The following SPIDR variants were observed in gnomAD, a reference collection of about 807,000 sequenced individuals.
SPIDR encodes the protein DNA repair-scaffolding protein.
SPIDR carries 93 observed loss-of-function variants against 104.6 expected under a neutral mutation model. That is an observed-to-expected ratio of 0.89 (90% CI 0.75 to 1.06). SPIDR has a LOEUF of 1.06. Among genes scored for constraint, SPIDR ranks in the 50% least tolerant of loss-of-function variants. The pLI, the probability that SPIDR is intolerant of heterozygous loss-of-function variation, is 0.00. For synonymous variants in SPIDR, 431 were observed against 416.9 expected, an observed-to-expected ratio of 1.03 and a Z score of -0.41; for missense variants, 1,154 against 1,111.2, an observed-to-expected ratio of 1.04 and a Z score of -0.55.
intron 5 of SPIDR, among the ~76,000 whole-genome samples, chr8:47,369,813 C>T (rs1554637383): frequency 1.3e-5 from 2 of 152,116 alleles, no homozygotes; most frequent in Middle Eastern, 3.2e-3. Context: ...ATTTTAACCA[C>T]AGTCTAAAAA....
chr8:47,466,692 C>A (rs375066359), intron 8 of SPIDR, among the ~76,000 whole-genome samples: 4 of 145,238 alleles, frequency 2.8e-5, no homozygotes, highest in East Asian at 3.9e-4. Flanking sequence ...GAAACCCCGT[C>A]TCTACGAAAA....
intron 5 of SPIDR, among the ~76,000 whole-genome samples, chr8:47,297,627 G>C (rs997407435): frequency 1.3e-5 from 2 of 151,948 alleles, no homozygotes; most frequent in Non-Finnish European, 2.9e-5. Context: ...CCCACGACAG[G>C]CGCCGGTGTG....
intron 8 of SPIDR, among the ~76,000 whole-genome samples, chr8:47,466,086 C>T (rs2074728132): frequency 6.6e-6 from 1 of 152,110 alleles, no homozygotes; most frequent in Admixed American, 6.5e-5. Context: ...GAGATTTCAA[C>T]ACCCCACTGA....
intron 5 of SPIDR, among the ~76,000 whole-genome samples, chr8:47,307,529 T>C (rs34085389): frequency 6.8e-6 from 1 of 147,570 alleles, no homozygotes; most frequent in African/African-American, 2.5e-5. Flanking sequence ...TCTTTTCTCA[T>C]TTCGTTTTTT....
intron 11 of SPIDR, among the ~76,000 whole-genome samples, chr8:47,681,378 T>G (rs968236456): frequency 1.3e-5 from 2 of 152,188 alleles, no homozygotes; most frequent in Non-Finnish European, 2.9e-5. Flanking sequence ...GATTGCGATT[T>G]TTTTTTTAAC....
chr8:47,320,451 A>G (rs2046328688), intron 5 of SPIDR, among the ~76,000 whole-genome samples: 3 of 152,222 alleles, frequency 2.0e-5, no homozygotes, highest in South Asian at 4.1e-4. Flanking sequence ...TTGAGGCGAT[A>G]ATAATAGCTT....
At chr8:47,474,354 A>G (rs1314043366) in intron 8 of SPIDR, among the ~76,000 whole-genome samples, 2 of 152,152 alleles carry the variant, frequency 1.3e-5, no homozygotes, top group African/African-American at 4.8e-5. Context: ...AGGCTTAATA[A>G]TTTTTCTCAA....
chr8:47,589,689 CT>C (rs1230507442), intron 8 of SPIDR, among the ~76,000 whole-genome samples: 1 of 152,116 alleles, frequency 6.6e-6, no homozygotes, highest in Non-Finnish European at 1.5e-5. Flanking sequence ...GTCCATTGTA[CT>C]TTACCTAGCC....
intron 5 of SPIDR, among the ~76,000 whole-genome samples, chr8:47,323,324 A>G (rs2047108036): frequency 6.6e-6 from 1 of 152,208 alleles, no homozygotes; most frequent in Non-Finnish European, 1.5e-5. Flanking sequence ...TAGTTGTCAT[A>G]TAATTCTTTT....
chr8:47,730,393 A>G (rs879046187), intron 19 of SPIDR, among the ~76,000 whole-genome samples: 1 of 152,174 alleles, frequency 6.6e-6, no homozygotes, highest in Admixed American at 6.5e-5. Flanking sequence ...GGGACCAGCC[A>G]CTCAGTGGCC....
intron 5 of SPIDR, among the ~76,000 whole-genome samples, chr8:47,370,818 T>C (rs2057913537): frequency 6.6e-6 from 1 of 152,016 alleles, no homozygotes; most frequent in African/African-American, 2.4e-5. Context: ...CCACTGAATA[T>C]GAAAAAAAAA....
At position 47,718,813 on chromosome 8, in the gene SPIDR, G is replaced by A. The variant is rs141877421; in HGVS notation, c.2341+5172G>A. Among the ~76,000 whole-genome samples the A allele has an allele frequency of 1.5e-4, 23 of 152,074 alleles. No homozygotes were observed. The East Asian group carries it at 4.3e-3, about 28-fold the overall frequency. ...AAGTTCTGGGGTACATGTGCAGGAC[G>A]TGCAGGTTTGTTAAATAGGTAGACG... On this transcript the variant is annotated intron_variant, in intron 16 of 19. Coordinates refer to ENST00000297423, the MANE Select transcript of SPIDR (RefSeq NM_001080394.4).
chr8:47,667,806 A>G (rs2154468234), intron 10 of SPIDR: 1 of 152,306 alleles, frequency 6.6e-6, no homozygotes, highest in East Asian at 1.9e-4. Flanking sequence ...TGTAATTGGA[A>G]AGCTACAGAG....
intron 8 of SPIDR, among the ~76,000 whole-genome samples, chr8:47,463,203 CA>C (rs1214213358): frequency 3.3e-5 from 5 of 151,092 alleles, no homozygotes; most frequent in Admixed American, 2.6e-4. Flanking sequence ...CTAAAAAATA[CA>C]AAAAAAATTA....
rs186333831 is a variant in SPIDR at position 47,467,324 on chromosome 8, G to T, written c.1097+26782G>T. On this transcript the variant is annotated intron_variant, in intron 8 of 19. Coordinates refer to ENST00000297423, the MANE Select transcript of SPIDR (RefSeq NM_001080394.4). ...GTATCATTCCTACTGAAACTATTCC[G>T]AAAAATTGAGGAGGAGGGATTCACC... is the stretch of plus-strand genomic sequence containing the variant. Among the ~76,000 whole-genome samples, 98 of 152,156 alleles carry T rather than the reference G, an allele frequency of 6.4e-4. 2 individuals are homozygous for T. The highest frequency in any genetic ancestry group is 2.2e-3 in the African/African-American group (92 of 41,530).
chr8:47,536,053 A>G (rs754763757), intron 8 of SPIDR, among the ~76,000 whole-genome samples: 68 of 151,024 alleles, frequency 4.5e-4, no homozygotes, highest in Non-Finnish European at 8.6e-4. Context: ...TGCCATTTAC[A>G]TTTGCATCAA....
chr8:47,647,855 CA>C (rs1314521612), intron 10 of SPIDR, among the ~76,000 whole-genome samples: 1 of 151,866 alleles, frequency 6.6e-6, no homozygotes, highest in Admixed American at 6.6e-5. Flanking sequence ...AGCATCTCAG[CA>C]GGGAGATCTG....
chr8:47,479,050 A>G (rs1164068151), intron 8 of SPIDR, among the ~76,000 whole-genome samples: 2 of 151,080 alleles, frequency 1.3e-5, no homozygotes, highest in African/African-American at 4.9e-5. Flanking sequence ...AAAATCAGTG[A>G]AAAAAAAAAT....
chr8:47,647,280 A>G (rs1405451959), intron 10 of SPIDR, among the ~76,000 whole-genome samples: 2 of 152,176 alleles, frequency 1.3e-5, no homozygotes, highest in African/African-American at 2.4e-5. Context: ...TGGAACTGCC[A>G]TTATTTGGGG....
Sources: allele counts gnomAD v4.1 joint callset (sites outside exome capture counted in the v4.1 genomes callset), GRCh38; gene constraint gnomAD v4.1.1; transcripts MANE v1.5; gene names NCBI Gene and HGNC (gene_info 2026-07-23, HGNC 2026-07-21).